Variants in SGCZ observed in about 807,000 individuals in gnomAD.
SGCZ encodes sarcoglycan zeta.
In SGCZ, 40 loss-of-function variants were observed where a neutral mutation model predicts 41.3. The observed-to-expected ratio is 0.97, with a 90% confidence interval of 0.75 to 1.26. The LOEUF (loss-of-function observed/expected upper bound fraction) is 1.26. SGCZ is among the 50% of genes most tolerant of loss of function. The probability of loss-of-function intolerance (pLI) is 0.00; values close to 1 mark genes in which losing one functional copy is unlikely to be tolerated. For missense variants in SGCZ, 552 were observed against 369.8 expected (o/e 1.49, Z -4.04); for synonymous variants, 206 against 137.5 (o/e 1.50, Z -3.49).
intron 2 of SGCZ, among the ~76,000 whole-genome samples, chr8:14,443,139 C>T (rs1040322328): frequency 7.1e-6 from 1 of 140,114 alleles, no homozygotes; most frequent in Non-Finnish European, 1.5e-5. Flanking sequence ...AACCACAAAC[C>T]ACTGCTCAAG....
chr8:14,784,153 A>ATT (rs1311760961), intron 1 of SGCZ, among the ~76,000 whole-genome samples: 1 of 151,256 alleles, frequency 6.6e-6, no homozygotes, highest in Non-Finnish European at 1.5e-5. Flanking sequence ...CAGGCTCAAT[A>ATT]TATCCTCTTC....
chr8:14,759,413 T>C (rs1406704888), intron 1 of SGCZ, among the ~76,000 whole-genome samples: 2 of 152,214 alleles, frequency 1.3e-5, no homozygotes, highest in Non-Finnish European at 2.9e-5. Context: ...AGCTTCATTT[T>C]CCATTGTAGG....
At chr8:14,430,647 C>T (rs1799918277) in intron 2 of SGCZ, among the ~76,000 whole-genome samples, 1 of 152,070 alleles carries the variant, frequency 6.6e-6, no homozygotes, top group Admixed American at 6.6e-5. Context: ...GACAAGGATG[C>T]CCACTCTCGC....
intron 1 of SGCZ, among the ~76,000 whole-genome samples, chr8:15,231,281 C>G (rs749136544): frequency 6.6e-6 from 1 of 152,166 alleles, no homozygotes; most frequent in Admixed American, 6.5e-5. Context: ...ATAGAACACT[C>G]TAGATAACCT....
At chr8:14,690,211 G>A (rs143594713) in intron 1 of SGCZ, among the ~76,000 whole-genome samples, 426 of 151,918 alleles carry the variant, frequency 2.8e-3, no homozygotes, top group African/African-American at 9.4e-3. Context: ...TTAGAAAAAG[G>A]GTTATGCCTA....
chr8:14,893,060 G>A (rs929471337), intron 1 of SGCZ, among the ~76,000 whole-genome samples: 8 of 152,134 alleles, frequency 5.3e-5, no homozygotes, highest in African/African-American at 1.9e-4. Context: ...TGCCGAGAGG[G>A]ACTTTGCATA....
At chr8:14,508,538 T>C (rs1475869410) in intron 2 of SGCZ, among the ~76,000 whole-genome samples, 1 of 152,074 alleles carries the variant, frequency 6.6e-6, no homozygotes, top group Non-Finnish European at 1.5e-5. Context: ...GGCATGTTCA[T>C]TTTTATAAGG....
chr8:14,107,528 C>G (rs1802243960), intron 6 of SGCZ, among the ~76,000 whole-genome samples: 1 of 152,192 alleles, frequency 6.6e-6, no homozygotes, highest in Non-Finnish European at 1.5e-5. Flanking sequence ...ACTCCGTGGT[C>G]ATTTATAGCT....
intron 1 of SGCZ, among the ~76,000 whole-genome samples, chr8:14,833,378 A>C (rs192111536): frequency 6.6e-6 from 1 of 152,180 alleles, no homozygotes; most frequent in Non-Finnish European, 1.5e-5. Context: ...ATCCCAGAGA[A>C]GCCAAACATA....
chr8:14,482,205 A>C lies in SGCZ; in HGVS notation c.234+72527T>G, dbSNP rs535987745. Among the ~76,000 whole-genome samples, 4 of 152,290 alleles carry C rather than the reference A, an allele frequency of 2.6e-5. No individual in the cohort carries two copies. In the South Asian group the frequency reaches 8.3e-4, roughly 32 times the overall value. On this transcript the variant is annotated intron_variant, in intron 2 of 7. Coordinates refer to ENST00000382080, the MANE Select transcript of SGCZ (RefSeq NM_139167.4). ...TCTAATATCTAACTTCCCCTCCTTG[A>C]GTGTCCAGGGTAACCACCTTGAGCT...
chr8:14,962,849 C>A (rs185283677), intron 1 of SGCZ, among the ~76,000 whole-genome samples: 1 of 152,106 alleles, frequency 6.6e-6, no homozygotes, highest in African/African-American at 2.4e-5. Flanking sequence ...ATCATTTCTG[C>A]CATATATTGT....
chr8:14,106,291 GT>G (rs1320295504), intron 6 of SGCZ, among the ~76,000 whole-genome samples: 2 of 152,128 alleles, frequency 1.3e-5, no homozygotes, highest in Non-Finnish European at 2.9e-5. Flanking sequence ...CACAAAAGTT[GT>G]TGAATTCCTG....
At chr8:14,801,114 C>T (rs1292010877) in intron 1 of SGCZ, among the ~76,000 whole-genome samples, 2 of 152,158 alleles carry the variant, frequency 1.3e-5, no homozygotes, top group Non-Finnish European at 2.9e-5. Context: ...TCCAGCCAAT[C>T]TACAAAAGAT....
At chr8:14,140,820 A>G (rs1803346114) in intron 5 of SGCZ, among the ~76,000 whole-genome samples, 2 of 152,136 alleles carry the variant, frequency 1.3e-5, no homozygotes, top group South Asian at 4.1e-4. Flanking sequence ...GAAAAAAACT[A>G]CTTTAAAATT....
At chr8:14,663,816 A>G (rs1807827219) in intron 1 of SGCZ, among the ~76,000 whole-genome samples, 1 of 152,162 alleles carries the variant, frequency 6.6e-6, no homozygotes, top group African/African-American at 2.4e-5. Context: ...ACTCAATTTT[A>G]TGTTCTCCTT....
At chr8:14,366,176 A>G (rs115021388) in intron 2 of SGCZ, among the ~76,000 whole-genome samples, 2,200 of 152,224 alleles carry the variant, frequency 0.014, 49 homozygotes, top group African/African-American at 0.048. Context: ...TGGAGAACAG[A>G]CTAATAACCA....
intron 1 of SGCZ, among the ~76,000 whole-genome samples, chr8:14,674,672 G>A (rs68073858): frequency 0.34 from 51,377 of 151,728 alleles, 11,156 homozygotes; most frequent in African/African-American, 0.63. Flanking sequence ...GTGGATCATG[G>A]GGGTGGATTT....
At chr8:14,971,568 G>A (rs1365600093) in intron 1 of SGCZ, among the ~76,000 whole-genome samples, 3 of 150,422 alleles carry the variant, frequency 2.0e-5, no homozygotes, top group African/African-American at 7.3e-5. Flanking sequence ...TACGTAGATT[G>A]GTTTGAAAGT....
At chr8:14,169,635 G>T (rs1804314469) in intron 4 of SGCZ, among the ~76,000 whole-genome samples, 1 of 152,050 alleles carries the variant, frequency 6.6e-6, no homozygotes, top group Admixed American at 6.6e-5. Context: ...CAGTCCACAG[G>T]GGTATGTGGG....
Sources: allele counts gnomAD v4.1 joint callset (sites outside exome capture counted in the v4.1 genomes callset), GRCh38; gene constraint gnomAD v4.1.1; transcripts MANE v1.5; gene names NCBI Gene and HGNC (gene_info 2026-07-23, HGNC 2026-07-21).